Variants in GRK4 observed in about 807,000 individuals in gnomAD.
GRK4 encodes G protein-coupled receptor kinase 4.
GRK4 carries 73 observed loss-of-function variants against 77.9 expected under a neutral mutation model. The observed-to-expected ratio is 0.94, with a 90% CI of 0.78 to 1.14. The LOEUF is 1.14. Among genes scored for constraint, GRK4 ranks in the 50% most tolerant of loss-of-function variants. The pLI is 0.00. For synonymous variants in GRK4, 257 were observed against 254.4 expected (o/e 1.01, Z -0.10); for missense variants, 729 against 700.2 (o/e 1.04, Z -0.46).
At chr4:3,035,318 T>C in intron 12 of GRK4, 68 bp from the exon 13 acceptor site, 1 of 1,494,150 alleles carries the variant, frequency 6.7e-7, no homozygotes, top group Non-Finnish European at 9.3e-7. Context: ...GTTATTATTA[T>C]GCAGGGGAGT....
At position 2,990,246 on chromosome 4, in the gene GRK4, CTTTTTTT is replaced by C. The variant is rs71644371; in HGVS notation, c.261+1428_261+1434del. Among the ~76,000 whole-genome samples the C allele has an allele frequency of 3.0e-3, 214 of 70,750 alleles. 1 individual carries two copies. The highest frequency in any genetic ancestry group is 9.4e-3 in the South Asian group (20 of 2,136). 46.4% of individuals were successfully genotyped at this position (70,750 alleles called of 152,430 possible). Reference sequence around the variant, plus strand: ...TAAGGTGATTCTTCTTCTTCTTCTTCTTTTTTTTTTTTTTTTTTTTTTTTTTTGAGAC... The same window carrying C: ...TAAGGTGATTCTTCTTCTTCTTCTTCTTTTTTTTTTTTTTTTTTTTGAGAC... On this transcript the variant is annotated intron_variant, in intron 3 of 15. Coordinates refer to ENST00000398052, the MANE Select transcript of GRK4 (RefSeq NM_182982.3).
At chr4:2,988,158 A>G (rs955481022) in intron 2 of GRK4, among the ~76,000 whole-genome samples, 1 of 150,910 alleles carries the variant, frequency 6.6e-6, no homozygotes, top group African/African-American at 2.4e-5. Context: ...AGACTCTTCC[A>G]AACCACTGCC....
chr4:3,019,905 C>A, intron 9 of GRK4, 74 bp downstream of exon 9: 2 of 1,385,672 alleles, frequency 1.4e-6, no homozygotes, highest in Non-Finnish European at 9.9e-7. Flanking sequence ...TTCCCTGGTT[C>A]ACACTGGCTG....
chr4:3,009,470 C>A (rs1732267115), intron 6 of GRK4, among the ~76,000 whole-genome samples, 178 bp from the exon 7 acceptor site: 1 of 150,198 alleles, frequency 6.7e-6, no homozygotes, highest in African/African-American at 2.5e-5. Flanking sequence ...TAGAGCAAGT[C>A]AAGAGCTATC....
chr4:3,011,247 T>C (rs1016264491), intron 7 of GRK4, among the ~76,000 whole-genome samples: 2 of 152,126 alleles, frequency 1.3e-5, no homozygotes, highest in African/African-American at 4.8e-5. Flanking sequence ...TCAGTCTTAA[T>C]AGGATATAAT....
intron 1 of GRK4, chr4:2,967,032 C>T (rs192924111): frequency 2.0e-5 from 3 of 152,198 alleles, no homozygotes; most frequent in East Asian, 1.9e-4. Flanking sequence ...GTGGAACCCT[C>T]GTGAATGGTA....
At chr4:2,977,326 G>T (rs1173352037) in intron 1 of GRK4, among the ~76,000 whole-genome samples, 1 of 152,198 alleles carries the variant, frequency 6.6e-6, no homozygotes, top group Non-Finnish European at 1.5e-5. Context: ...TGTGTGTGCT[G>T]CCTCTTGAGT....
Position 3,025,342 on chromosome 4 carries a change from A to G in GRK4, c.971-2570A>G, listed in dbSNP as rs576087472. ...GGTTAAACCACCAGCTGGATACACC[A>G]TTAGGTTCATTTTCTTAATTTTGCT... On this transcript the variant is annotated intron_variant, in intron 10 of 15. Transcript: ENST00000398052. Among the ~76,000 whole-genome samples, 316 of 149,198 alleles carry G rather than the reference A, an allele frequency of 2.1e-3. 1 individual carries two copies. The highest frequency in any genetic ancestry group is 5.5e-3 in the South Asian group (26 of 4,718).
At chr4:2,977,181 C>T (rs1293949252) in intron 1 of GRK4, among the ~76,000 whole-genome samples, 1 of 152,062 alleles carries the variant, frequency 6.6e-6, no homozygotes, top group Non-Finnish European at 1.5e-5. Context: ...TTTTTTATTG[C>T]TGCTTACAAA....
intron 1 of GRK4, among the ~76,000 whole-genome samples, chr4:2,976,565 A>G (rs1721222113): frequency 6.7e-6 from 1 of 149,088 alleles, no homozygotes; most frequent in African/African-American, 2.5e-5. Context: ...AGCCAGTTCC[A>G]TGTGCCAGTA....
Position 2,992,233 on chromosome 4 carries a change from G to C in GRK4, c.280G>C (p.Asp94His), listed in dbSNP as rs377489222. Residue 94 changes from aspartate to histidine, a missense_variant, in exon 4 of 16, where the codon GAT (aspartate) becomes CAT (histidine). Physicochemically the swap from Asp to His is moderately conservative, Grantham distance 81. Transcript: ENST00000398052. ...CAATCAGGCAGAATATGAAGTTGCC[G>C]ATGATGAGGACCGAAGTGATTGTGG... is the stretch of plus-strand genomic sequence containing the variant. The part of the protein sequence containing the change: ...LDAVAEYEVA[D>H]DEDRSDCGLS... 2.5e-6 allele frequency: 4 copies of C among 1,609,696 alleles called. No individual in the cohort carries two copies. The highest frequency in any genetic ancestry group is 3.4e-6 in the Non-Finnish European group (4 of 1,176,350).
chr4:2,987,515 T>G (rs925576155), intron 2 of GRK4, among the ~76,000 whole-genome samples: 2 of 152,248 alleles, frequency 1.3e-5, no homozygotes, highest in African/African-American at 4.8e-5. Flanking sequence ...CACATTTTGC[T>G]TATCTGTTCA....
intron 3 of GRK4, 76 bp downstream of exon 3, chr4:2,988,915 G>A (rs752537255): frequency 1.1e-6 from 1 of 897,714 alleles, no homozygotes; most frequent in Non-Finnish European, 1.8e-6. Flanking sequence ...GCCAGGCGCA[G>A]TAGCTCATGC....
At chr4:3,037,906 C>T (rs1420656119) in intron 14 of GRK4, among the ~76,000 whole-genome samples, 1 of 146,516 alleles carries the variant, frequency 6.8e-6, no homozygotes, top group African/African-American at 2.6e-5. Flanking sequence ...CAGAACGAGA[C>T]TTCGTCTCAC....
At chr4:3,014,902 C>T (rs949561355) in intron 8 of GRK4, among the ~76,000 whole-genome samples, 2 of 152,172 alleles carry the variant, frequency 1.3e-5, no homozygotes, top group South Asian at 2.1e-4. Context: ...GTTGGGATTA[C>T]AGGTGTGAGC....
In GRK4 at chr4:3,027,953, C is replaced by T. The variant is rs774715725; in HGVS notation, c.1012C>T (p.Pro338Ser). ...AGACCTCGGTTTGGCCACAGAGATC[C>T]CAGAAGGACAGAGGGTTCGAGGAAG... The part of the protein sequence containing the change: ...ISDLGLATEI[P>S]EGQRVRGRVG... The change falls in exon 11 of 16, where the codon CCA (proline) becomes TCA (serine). Residue 338 changes from proline (P) to serine (S), a missense_variant. Pro to Ser is a moderately conservative substitution (Grantham distance 74, BLOSUM62 -1). Transcript: ENST00000398052. The T allele has an allele frequency of 1.2e-5, 19 of 1,613,928 alleles. No individual in the cohort carries two copies. The African/African-American group carries it at 2.4e-4, about 20-fold the overall frequency.
chr4:2,992,973 G>A (rs1460397740), intron 4 of GRK4, among the ~76,000 whole-genome samples: 1 of 152,132 alleles, frequency 6.6e-6, no homozygotes, highest in East Asian at 1.9e-4. Context: ...AAGAGAGTAA[G>A]ACCCTGTCTC....
intron 4 of GRK4, among the ~76,000 whole-genome samples, chr4:3,001,369 A>G (rs200139327): frequency 1.3e-5 from 1 of 76,940 alleles, no homozygotes; most frequent in Non-Finnish European, 2.6e-5. Flanking sequence ...ATATATATAT[A>G]TTTTTTTTTT....
At chr4:2,997,578 A>G (rs528538658) in intron 4 of GRK4, among the ~76,000 whole-genome samples, 2 of 152,250 alleles carry the variant, frequency 1.3e-5, no homozygotes, top group South Asian at 2.1e-4. Flanking sequence ...CTGATAAATG[A>G]TATCTATGAA....
Sources: gnomAD v4.1 joint callset for allele counts (sites outside exome capture counted in the v4.1 genomes callset) on GRCh38, gnomAD v4.1.1 for gene constraint, MANE v1.5 for transcripts, NCBI Gene and HGNC (gene_info 2026-07-23, HGNC 2026-07-21) for gene names.